MPP7: variants seen among roughly 807,000 people sequenced by gnomAD.
MPP7 encodes MAGUK p55 subfamily member 7.
Under a neutral mutation model 76.5 loss-of-function variants are expected in MPP7, and 60 were observed. The ratio of observed to expected loss-of-function variants is 0.78; its 90% CI spans 0.64 to 0.97. MPP7 has a LOEUF of 0.97. MPP7 is among the 50% of genes least tolerant of loss of function. The pLI, the probability that MPP7 is intolerant of heterozygous loss-of-function variation, is 0.00. For missense variants in MPP7, 641 were observed against 694.0 expected, an observed-to-expected ratio of 0.92 and a Z score of 0.86; for synonymous variants, 237 against 244.5, an observed-to-expected ratio of 0.97 and a Z score of 0.29.
intron 5 of MPP7, among the ~76,000 whole-genome samples, chr10:28,137,181 A>G (rs751969714): frequency 3.3e-5 from 5 of 152,222 alleles, no homozygotes; most frequent in African/African-American, 7.2e-5. Flanking sequence ...ATGGAGCAAC[A>G]TCTTTAAAAT....
At chr10:28,288,448 C>T (rs1224898135) in intron 1 of MPP7, among the ~76,000 whole-genome samples, 1 of 152,030 alleles carries the variant, frequency 6.6e-6, no homozygotes, top group Non-Finnish European at 1.5e-5. Flanking sequence ...ACTATGTTGC[C>T]CAGGCTTGTC....
intron 11 of MPP7, among the ~76,000 whole-genome samples, chr10:28,110,455 A>G (rs1347582694): frequency 6.6e-6 from 1 of 152,218 alleles, no homozygotes. Flanking sequence ...TTTGTAAATC[A>G]GGCTCTTAGA....
At chr10:28,072,849 T>C (rs897595870) in intron 12 of MPP7, among the ~76,000 whole-genome samples, 2 of 152,222 alleles carry the variant, frequency 1.3e-5, no homozygotes, top group African/African-American at 4.8e-5. Flanking sequence ...CCTATGGTCA[T>C]ATAAGGACAT....
At chr10:28,105,534 A>G (rs1015846149) in intron 11 of MPP7, among the ~76,000 whole-genome samples, 4 of 152,078 alleles carry the variant, frequency 2.6e-5, no homozygotes, top group Non-Finnish European at 5.9e-5. Context: ...TTGAGACAGA[A>G]TCTGGCTCTG....
chr10:28,308,012 G>A (rs979112831), upstream of MPP7, among the ~76,000 whole-genome samples: 3 of 152,114 alleles, frequency 2.0e-5, no homozygotes, highest in Admixed American at 1.3e-4. Flanking sequence ...CACTTCTCTT[G>A]ACCTGAGCAA....
At chr10:28,153,267 A>C (rs1034765131) in intron 3 of MPP7, among the ~76,000 whole-genome samples, 8 of 151,922 alleles carry the variant, frequency 5.3e-5, no homozygotes, top group Non-Finnish European at 7.4e-5. Context: ...AAAGAAAACA[A>C]AAAAAAAGTA....
chr10:28,188,693 G>A (rs1341646534), intron 3 of MPP7, among the ~76,000 whole-genome samples: 1 of 152,078 alleles, frequency 6.6e-6, no homozygotes, highest in South Asian at 2.1e-4. Flanking sequence ...CTGCTAGAGA[G>A]CAAACATCTT....
chr10:28,097,099 C>CCCACCTCACCTCACCT (rs1853606692), intron 11 of MPP7, among the ~76,000 whole-genome samples: 1 of 152,032 alleles, frequency 6.6e-6, no homozygotes, highest in East Asian at 1.9e-4. Flanking sequence ...CAGCGATCCT[C>CCCACCTCACCTCACCT]CCACCTCAGC....
At chr10:28,191,927 C>G (rs1400056220) in intron 3 of MPP7, among the ~76,000 whole-genome samples, 1 of 152,058 alleles carries the variant, frequency 6.6e-6, no homozygotes, top group Non-Finnish European at 1.5e-5. Context: ...AGTTCAAGAC[C>G]AGCCTGACCA....
chr10:28,265,446 C>A (rs1840119541), intron 1 of MPP7, among the ~76,000 whole-genome samples: 1 of 152,062 alleles, frequency 6.6e-6, no homozygotes, highest in African/African-American at 2.4e-5. Context: ...GTAGTCCCAG[C>A]TGCTTGGGAG....
chr10:28,312,574 T>C (rs1297431523), intron 2 of MPP7, among the ~76,000 whole-genome samples: 1 of 152,200 alleles, frequency 6.6e-6, no homozygotes, highest in Non-Finnish European at 1.5e-5. Flanking sequence ...CAACACTTTT[T>C]AGCCATACTC....
At chr10:28,180,783 G>A (rs1473504680) in intron 3 of MPP7, among the ~76,000 whole-genome samples, 1 of 152,186 alleles carries the variant, frequency 6.6e-6, no homozygotes, top group Non-Finnish European at 1.5e-5. Flanking sequence ...AACATCAGCA[G>A]TCAGCAATGG....
At chr10:28,299,277 T>C (rs971726451) in intron 1 of MPP7, among the ~76,000 whole-genome samples, 1 of 152,202 alleles carries the variant, frequency 6.6e-6, no homozygotes, top group African/African-American at 2.4e-5. Context: ...CTCCATTCAC[T>C]TGAATACTTA....
chr10:28,216,896 A>G (rs1037682945), intron 2 of MPP7, among the ~76,000 whole-genome samples: 1 of 152,116 alleles, frequency 6.6e-6, no homozygotes, highest in Non-Finnish European at 1.5e-5. Flanking sequence ...GAAAACTTGG[A>G]AAATCCTGGT....
chr10:28,310,911 C>A (rs11007005), intron 2 of MPP7, among the ~76,000 whole-genome samples: 3 of 152,012 alleles, frequency 2.0e-5, no homozygotes, highest in Non-Finnish European at 4.4e-5. Context: ...TGGCAAAACC[C>A]TTAATTAATT....
rs913799742 is a variant in MPP7 at position 28,053,683 on chromosome 10, C to T, written c.*382G>A. ...CTCATGGCTGCTGAATTGATACCTTCAACAGCTAACATTCAAACTCGACAG... is the reference window on the plus strand; with the variant it reads ...CTCATGGCTGCTGAATTGATACCTTTAACAGCTAACATTCAAACTCGACAG... On this transcript the variant is annotated 3_prime_UTR_variant, in exon 17 of 17. Coordinates refer to ENST00000683449, the MANE Select transcript of MPP7 (RefSeq NM_001318170.2). 5.3e-6 allele frequency: 1 copy of T among 188,674 alleles called. No homozygotes were observed. Among genetic ancestry groups the T allele is most frequent in the Non-Finnish European group, 1.1e-5 (1 of 93,292 alleles). The allele number at this position is 188,674 out of a possible 1,614,324, so 11.7% of individuals were successfully genotyped here.
At chr10:28,197,754 C>T (rs1185434848) in intron 3 of MPP7, among the ~76,000 whole-genome samples, 1 of 152,086 alleles carries the variant, frequency 6.6e-6, no homozygotes, top group Non-Finnish European at 1.5e-5. Context: ...AGAGTATGTA[C>T]CCAACAAATA....
chr10:28,074,232 G>A (rs1192725861), intron 12 of MPP7, among the ~76,000 whole-genome samples: 2 of 151,750 alleles, frequency 1.3e-5, no homozygotes, highest in East Asian at 1.9e-4. Flanking sequence ...ACATGGAAAT[G>A]TTTTCAAAGT....
chr10:28,326,799 A>T (rs1360069732), intron 2 of MPP7, among the ~76,000 whole-genome samples: 1 of 152,234 alleles, frequency 6.6e-6, no homozygotes, highest in Non-Finnish European at 1.5e-5. Flanking sequence ...GCCAGGGTAC[A>T]TGCCAGTCGG....
Sources: gnomAD v4.1 joint callset for allele counts (sites outside exome capture counted in the v4.1 genomes callset) on GRCh38, gnomAD v4.1.1 for gene constraint, MANE v1.5 for transcripts, NCBI Gene and HGNC (gene_info 2026-07-23, HGNC 2026-07-21) for gene names.